CNTN5: variants seen among roughly 807,000 people sequenced by gnomAD.
The protein encoded by CNTN5 is contactin-5.
A neutral mutation model predicts 129.1 loss-of-function variants in CNTN5; 77 were observed. That is an observed-to-expected ratio of 0.60 (90% CI 0.50 to 0.72). The LOEUF (loss-of-function observed/expected upper bound fraction) is 0.72, where lower values mean the gene tolerates loss of function less well. Among genes scored for constraint, CNTN5 ranks in the 30% least tolerant of loss-of-function variants. The pLI, the probability that CNTN5 is intolerant of heterozygous loss-of-function variation, is 0.00. For synonymous variants in CNTN5, 509 were observed against 465.6 expected, an observed-to-expected ratio of 1.09 and a Z score of -1.20; for missense variants, 1,478 against 1,328.8, an observed-to-expected ratio of 1.11 and a Z score of -1.75.
At chr11:100,156,765 ATTTTCTAGC>A (rs1947257286) in intron 13 of CNTN5, among the ~76,000 whole-genome samples, 1 of 151,876 alleles carries the variant, frequency 6.6e-6, no homozygotes, top group African/African-American at 2.4e-5. Context: ...TTTCTTCTAG[ATTTTCTAGC>A]TTATTTGCCT....
rs192678344 is a variant in CNTN5 at position 99,121,993 on chromosome 11, T to A, written c.-210+100723T>A. Among the ~76,000 whole-genome samples, 801 of 149,728 alleles carry A rather than the reference T, an allele frequency of 5.3e-3. 4 individuals carry two copies. The highest frequency in any genetic ancestry group is 0.014 in the African/African-American group (589 of 41,120). ...ACAATTCTTTTACATATATATATATTTTTATTATACTTTAAGTTCTAGGGT... is the reference window on the plus strand; with the variant it reads ...ACAATTCTTTTACATATATATATATATTTATTATACTTTAAGTTCTAGGGT... On this transcript the variant is annotated intron_variant, in intron 1 of 24. Transcript: ENST00000524871.
chr11:99,821,797 G>A (rs1162646129), intron 4 of CNTN5, among the ~76,000 whole-genome samples: 1 of 152,152 alleles, frequency 6.6e-6, no homozygotes, highest in Non-Finnish European at 1.5e-5. Context: ...CCAGGTGATG[G>A]TGATGGTGCT....
chr11:99,437,068 C>A (rs1417131454), intron 2 of CNTN5, among the ~76,000 whole-genome samples: 3 of 152,138 alleles, frequency 2.0e-5, no homozygotes. Flanking sequence ...TATAAATGTT[C>A]AAAAGTGAGC....
chr11:99,704,113 A>G (rs899869008), intron 3 of CNTN5, among the ~76,000 whole-genome samples: 3 of 150,586 alleles, frequency 2.0e-5, no homozygotes, highest in Non-Finnish European at 4.5e-5. Context: ...ATGTATATTA[A>G]TAAACTCATA....
At chr11:99,744,682 T>A (rs894666531) in intron 3 of CNTN5, among the ~76,000 whole-genome samples, 1 of 143,970 alleles carries the variant, frequency 6.9e-6, no homozygotes, top group Non-Finnish European at 1.5e-5. Context: ...ATTGTGCCAC[T>A]GCACTACAGC....
chr11:99,532,973 A>G (rs2135473291), intron 2 of CNTN5, among the ~76,000 whole-genome samples: 1 of 152,350 alleles, frequency 6.6e-6, no homozygotes, highest in South Asian at 2.1e-4. Flanking sequence ...CTGTAATCCC[A>G]GCACTTTGGG....
chr11:99,967,179 C>G (rs575685733), intron 8 of CNTN5, among the ~76,000 whole-genome samples: 28 of 152,258 alleles, frequency 1.8e-4, no homozygotes, highest in African/African-American at 6.7e-4. Context: ...TCCAGATTAA[C>G]TAAAATGCAA....
chr11:99,870,813 C>CA (rs1565624604), intron 6 of CNTN5, among the ~76,000 whole-genome samples: 1 of 6,204 alleles, frequency 1.6e-4, no homozygotes, highest in African/African-American at 3.7e-4. Context: ...ATCTCATATA[C>CA]TTTGGAAGAG....
intron 3 of CNTN5, among the ~76,000 whole-genome samples, chr11:99,796,142 G>T (rs999840705): frequency 1.3e-5 from 2 of 152,142 alleles, no homozygotes; most frequent in African/African-American, 4.8e-5. Flanking sequence ...GTTGGCATGG[G>T]GACATGGTAC....
chr11:100,279,800 C>CTCTGATCTTTATTG (rs1184547232), intron 18 of CNTN5, among the ~76,000 whole-genome samples: 5 of 150,846 alleles, frequency 3.3e-5, no homozygotes, highest in African/African-American at 1.2e-4. Flanking sequence ...TTTATTTCTG[C>CTCTGATCTTTATTG]TCTGATCTTT....
At chr11:100,309,329 A>G (rs925175688) in intron 21 of CNTN5, 13 of 983,494 alleles carry the variant, frequency 1.3e-5, no homozygotes, top group Middle Eastern at 5.2e-4. Context: ...AGGCTGAAAC[A>G]TATTTTTAAT....
chr11:100,307,092 T>C (rs1011935860), intron 20 of CNTN5, among the ~76,000 whole-genome samples: 10 of 151,672 alleles, frequency 6.6e-5, no homozygotes, highest in African/African-American at 9.7e-5. Flanking sequence ...ATATTTCAAT[T>C]AATAATATAT....
At chr11:100,070,215 T>A (rs1311495687) in intron 10 of CNTN5, among the ~76,000 whole-genome samples, 1 of 151,876 alleles carries the variant, frequency 6.6e-6, no homozygotes, top group African/African-American at 2.4e-5. Flanking sequence ...AAAATAGCAT[T>A]TTATATTATC....
chr11:99,823,826 T>C (rs1316787565), intron 4 of CNTN5, among the ~76,000 whole-genome samples: 3 of 152,104 alleles, frequency 2.0e-5, no homozygotes, highest in South Asian at 4.1e-4. Context: ...ACTATACTTA[T>C]TTTGTCATTT....
intron 9 of CNTN5, among the ~76,000 whole-genome samples, chr11:100,039,798 A>T (rs896043604): frequency 1.3e-5 from 2 of 152,078 alleles, no homozygotes; most frequent in African/African-American, 4.8e-5. Flanking sequence ...CGTAGCTCTC[A>T]TGCCTTGGTT....
At chr11:99,569,999 A>G (rs1179543626) in intron 3 of CNTN5, among the ~76,000 whole-genome samples, 2 of 152,184 alleles carry the variant, frequency 1.3e-5, no homozygotes, top group Non-Finnish European at 2.9e-5. Flanking sequence ...GAAAGAAAGT[A>G]AAGAAAAAAA....
At chr11:100,121,451 G>A (rs1469743207) in intron 13 of CNTN5, among the ~76,000 whole-genome samples, 2 of 151,808 alleles carry the variant, frequency 1.3e-5, no homozygotes, top group Non-Finnish European at 2.9e-5. Flanking sequence ...AGACAGATAA[G>A]GGAACTTCAG....
intron 21 of CNTN5, among the ~76,000 whole-genome samples, chr11:100,339,687 C>T (rs1952118354): frequency 6.6e-6 from 1 of 152,160 alleles, no homozygotes; most frequent in African/African-American, 2.4e-5. Context: ...TGCCTCCTTC[C>T]TCTATCAACA....
At chr11:99,533,528 T>C (rs1367413694) in intron 2 of CNTN5, among the ~76,000 whole-genome samples, 3 of 152,256 alleles carry the variant, frequency 2.0e-5, no homozygotes, top group Non-Finnish European at 2.9e-5. Flanking sequence ...TCTCACTCTC[T>C]GGTCTCCTGC....
Sources: gnomAD v4.1 joint callset for allele counts (sites outside exome capture counted in the v4.1 genomes callset) on GRCh38, gnomAD v4.1.1 for gene constraint, MANE v1.5 for transcripts, NCBI Gene and HGNC (gene_info 2026-07-23, HGNC 2026-07-21) for gene names.